MDGA2: variants seen among roughly 807,000 people sequenced by gnomAD.
MDGA2 encodes the protein MAM domain containing glycosylphosphatidylinositol anchor 2.
MDGA2 carries 40 observed loss-of-function variants against 117.8 expected under a neutral mutation model. The ratio of observed to expected loss-of-function variants is 0.34; its 90% CI spans 0.26 to 0.44. The LOEUF is 0.44. MDGA2 is among the 20% of genes least tolerant of loss of function. MDGA2 has a pLI of 1.00. For missense variants in MDGA2, 1,123 were observed against 1,250.6 expected, an observed-to-expected ratio of 0.90 and a Z score of 1.54; for synonymous variants, 452 against 439.0, an observed-to-expected ratio of 1.03 and a Z score of -0.37.
intron 2 of MDGA2, among the ~76,000 whole-genome samples, chr14:47,269,906 T>A (rs1888091120): frequency 6.6e-6 from 1 of 152,142 alleles, no homozygotes; most frequent in African/African-American, 2.4e-5. Context: ...CAATATTTTT[T>A]CCCCTTGCAA....
intron 1 of MDGA2, among the ~76,000 whole-genome samples, chr14:47,415,627 C>T (rs1174742554): frequency 6.6e-6 from 1 of 152,094 alleles, no homozygotes; most frequent in Admixed American, 6.6e-5. Flanking sequence ...GTCCTGCTAA[C>T]CCCAAGAGAA....
At chr14:47,288,701 GTT>G (rs1177390376) in intron 2 of MDGA2, among the ~76,000 whole-genome samples, 1 of 152,032 alleles carries the variant, frequency 6.6e-6, no homozygotes, top group Non-Finnish European at 1.5e-5. Flanking sequence ...GTTATTTTTA[GTT>G]TTTTTGTTAA....
intron 9 of MDGA2, among the ~76,000 whole-genome samples, chr14:46,937,490 A>C (rs1328566399): frequency 6.6e-6 from 1 of 152,180 alleles, no homozygotes; most frequent in Non-Finnish European, 1.5e-5. Context: ...GAACCACAAA[A>C]GATTCTAAAT....
chr14:47,611,317 GA>G (rs1896844139), intron 1 of MDGA2, among the ~76,000 whole-genome samples: 1 of 151,976 alleles, frequency 6.6e-6, no homozygotes, highest in African/African-American at 2.4e-5. Context: ...TCATGACCAA[GA>G]ACCCAAAAGC....
chr14:47,232,315 C>T (rs1886718555), intron 2 of MDGA2, among the ~76,000 whole-genome samples: 1 of 151,480 alleles, frequency 6.6e-6, no homozygotes, highest in South Asian at 2.1e-4. Context: ...TTTTCTTGGA[C>T]CTTGGTAGGG....
chr14:47,573,198 T>C (rs1399230004), intron 1 of MDGA2, among the ~76,000 whole-genome samples: 2 of 152,180 alleles, frequency 1.3e-5, no homozygotes. Context: ...CAGATATAAG[T>C]TCCATCAAAA....
At chr14:47,073,139 G>T (rs1278286392) in intron 6 of MDGA2, among the ~76,000 whole-genome samples, 1 of 152,098 alleles carries the variant, frequency 6.6e-6, no homozygotes, top group Admixed American at 6.5e-5. Flanking sequence ...CTTTACCTAC[G>T]AATTTCTAAC....
intron 1 of MDGA2, among the ~76,000 whole-genome samples, chr14:47,451,130 T>A (rs1893232836): frequency 6.6e-6 from 1 of 152,112 alleles, no homozygotes; most frequent in African/African-American, 2.4e-5. Flanking sequence ...AAATAAGGCT[T>A]ACTACCTGTA....
At chr14:47,104,572 C>A (rs11850224) in intron 5 of MDGA2, among the ~76,000 whole-genome samples, 2 of 146,002 alleles carry the variant, frequency 1.4e-5, no homozygotes, top group Non-Finnish European at 1.5e-5. Flanking sequence ...TATCTCCCTT[C>A]GCTGACTCTC....
At chr14:47,532,137 G>A (rs2138734777) in intron 1 of MDGA2, among the ~76,000 whole-genome samples, 1 of 152,270 alleles carries the variant, frequency 6.6e-6, no homozygotes, top group Non-Finnish European at 1.5e-5. Flanking sequence ...GCATCAAACA[G>A]CAGTCTTCGC....
At chr14:47,279,983 T>C (rs1888423428) in intron 2 of MDGA2, among the ~76,000 whole-genome samples, 2 of 151,794 alleles carry the variant, frequency 1.3e-5, no homozygotes, top group Admixed American at 6.6e-5. Context: ...AGATCCTGCC[T>C]CAGCCTCCTA....
At chr14:47,078,574 T>C (rs1890582474) in intron 6 of MDGA2, among the ~76,000 whole-genome samples, 1 of 152,220 alleles carries the variant, frequency 6.6e-6, no homozygotes, top group Admixed American at 6.5e-5. Flanking sequence ...CCTATGTACC[T>C]GTTTTTTCCT....
At chr14:47,064,839 T>A (rs1023143732) in intron 6 of MDGA2, among the ~76,000 whole-genome samples, 2 of 152,124 alleles carry the variant, frequency 1.3e-5, no homozygotes, top group African/African-American at 4.8e-5. Flanking sequence ...TCATGTAATG[T>A]TAATTTAAAG....
intron 1 of MDGA2, among the ~76,000 whole-genome samples, chr14:47,349,982 G>A (rs1441564605): frequency 6.6e-6 from 1 of 152,234 alleles, no homozygotes; most frequent in African/African-American, 2.4e-5. Flanking sequence ...GGCAGGACCT[G>A]CCCTGGCTTA....
chr14:47,116,422 A>G (rs1881333563), intron 5 of MDGA2, among the ~76,000 whole-genome samples: 2 of 152,116 alleles, frequency 1.3e-5, no homozygotes, highest in African/African-American at 4.8e-5. Context: ...TCTAAAATTC[A>G]TATGGAACCA....
intron 1 of MDGA2, among the ~76,000 whole-genome samples, chr14:47,543,352 A>G (rs912619302): frequency 6.6e-6 from 1 of 152,186 alleles, no homozygotes; most frequent in Non-Finnish European, 1.5e-5. Context: ...GCAATTATGA[A>G]AGTGTGACAA....
intron 3 of MDGA2, among the ~76,000 whole-genome samples, chr14:47,180,347 A>G (rs1419006475): frequency 6.6e-6 from 1 of 152,216 alleles, no homozygotes; most frequent in East Asian, 1.9e-4. Flanking sequence ...AAATTGACAA[A>G]TGGGATTTCA....
intron 8 of MDGA2, among the ~76,000 whole-genome samples, chr14:46,960,839 A>T (rs1006803321): frequency 2.7e-5 from 4 of 148,692 alleles, no homozygotes; most frequent in African/African-American, 9.8e-5. Flanking sequence ...CATATAAGTT[A>T]AAATACATAT....
intron 1 of MDGA2, among the ~76,000 whole-genome samples, chr14:47,575,981 T>C (rs1416200481): frequency 6.6e-6 from 1 of 152,194 alleles, no homozygotes; most frequent in Non-Finnish European, 1.5e-5. Flanking sequence ...AGAACTATTA[T>C]ATATATTCCT....
Sources: gnomAD v4.1 joint callset for allele counts (sites outside exome capture counted in the v4.1 genomes callset) on GRCh38, gnomAD v4.1.1 for gene constraint, MANE v1.5 for transcripts, NCBI Gene and HGNC (gene_info 2026-07-23, HGNC 2026-07-21) for gene names.